LHX4: variants seen among roughly 807,000 people sequenced by gnomAD.
LHX4 encodes LIM homeobox 4.
In LHX4, 16 loss-of-function variants were observed where a neutral mutation model predicts 39.2. That is an observed-to-expected ratio of 0.41 (90% CI 0.28 to 0.62). The LOEUF is 0.62. Among genes scored for constraint, LHX4 ranks in the 20% least tolerant of loss-of-function variants. The pLI, the probability that LHX4 is intolerant of heterozygous loss-of-function variation, is 0.33. For missense variants in LHX4, 439 were observed against 511.9 expected, an observed-to-expected ratio of 0.86 and a Z score of 1.37; for synonymous variants, 206 against 198.1, an observed-to-expected ratio of 1.04 and a Z score of -0.33.
intron 1 of LHX4, among the ~76,000 whole-genome samples, chr1:180,233,308 C>A (rs560249901): frequency 2.0e-5 from 3 of 152,382 alleles, no homozygotes; most frequent in East Asian, 3.9e-4. Context: ...CAGTTCGCGC[C>A]GTAGCCCTCC....
At chr1:180,260,891 C>G (rs1012167587) in intron 2 of LHX4, among the ~76,000 whole-genome samples, 1 of 151,810 alleles carries the variant, frequency 6.6e-6, no homozygotes, top group Non-Finnish European at 1.5e-5. Flanking sequence ...TTCTCTCGCT[C>G]GTTGCCCTTG....
rs1222959865 is a variant in LHX4 at position 180,277,000 on chromosome 1, G to T, written c.*2421G>T. ...AATCTCTTGAGGAACTCAGTGAGCA[G>T]TTGACGAGGTCAATAGTTCTTTGGC... On this transcript the variant is annotated 3_prime_UTR_variant, in exon 6 of 6. Coordinates refer to ENST00000263726, the MANE Select transcript of LHX4 (RefSeq NM_033343.4). 1.3e-5 allele frequency: 2 copies of T among 152,322 alleles called. No individual in the cohort carries two copies. Among genetic ancestry groups the T allele is most frequent in the Non-Finnish European group, 2.9e-5 (2 of 68,036 alleles). 9.4% of individuals were successfully genotyped at this position (152,322 alleles called of 1,614,324 possible). A position where few individuals can be genotyped will look rare whatever the true frequency, so the allele number is the denominator to read the frequency against.
upstream of LHX4, among the ~76,000 whole-genome samples, chr1:180,229,964 A>AGGCGGAGGCGGGGGGGGC (rs1553278096): frequency 2.7e-5 from 2 of 73,484 alleles, no homozygotes; most frequent in South Asian, 5.3e-4. Context: ...GGAGGCGGGG[A>AGGCGGAGGCGGGGGGGGC]GGGGGGGGGG....
intron 2 of LHX4, among the ~76,000 whole-genome samples, chr1:180,251,255 C>T (rs1029877901): frequency 6.6e-6 from 1 of 152,206 alleles, no homozygotes; most frequent in African/African-American, 2.4e-5. Flanking sequence ...TACCTGACGC[C>T]CACCAAGCAG....
chr1:180,243,876 A>C (rs1328216208), intron 1 of LHX4, among the ~76,000 whole-genome samples: 2 of 152,296 alleles, frequency 1.3e-5, no homozygotes, highest in Non-Finnish European at 2.9e-5. Context: ...TCTCTGCCAC[A>C]ATTTCCTATC....
intron 3 of LHX4, chr1:180,269,676 C>T (rs1315082085): frequency 1.3e-5 from 2 of 152,204 alleles, no homozygotes; most frequent in Non-Finnish European, 2.9e-5. Flanking sequence ...CATTATTTCA[C>T]ATTTTTTAAT....
rs545590175 is a variant in LHX4 at position 180,251,264 on chromosome 1, A to C, written c.248+2808A>C. ...CTCAGGTACCTGACGCCCACCAAGCAGGATGCTCCATTCCCAGGCATGCTT... is the reference window on the plus strand; with the variant it reads ...CTCAGGTACCTGACGCCCACCAAGCCGGATGCTCCATTCCCAGGCATGCTT... On this transcript the variant is annotated intron_variant, in intron 2 of 5. Coordinates refer to ENST00000263726, the MANE Select transcript of LHX4 (RefSeq NM_033343.4). Among the ~76,000 whole-genome samples the C allele has an allele frequency of 2.0e-5, 3 of 152,300 alleles. No individual in the cohort carries two copies. The East Asian group carries it at 5.8e-4, about 29-fold the overall frequency.
chr1:180,276,900 T>G lies in LHX4; in HGVS notation c.*2321T>G, dbSNP rs1283433967. ...CACTGTAAGTAAGTTGACCAGTTTT[T>G]GTAAGTTAATCATACTAATTCCCAG... On this transcript the variant is annotated 3_prime_UTR_variant, in exon 6 of 6. Transcript: ENST00000263726. The G allele has an allele frequency of 6.6e-6, 1 of 152,102 alleles. No individual in the cohort carries two copies. Among genetic ancestry groups the G allele is most frequent in the African/African-American group, 2.4e-5 (1 of 41,380 alleles). The allele number at this position is 152,102 out of a possible 1,614,324, so 9.4% of individuals were successfully genotyped here.
chr1:180,241,275 C>T (rs1664440263), intron 1 of LHX4, among the ~76,000 whole-genome samples: 1 of 152,104 alleles, frequency 6.6e-6, no homozygotes, highest in Admixed American at 6.5e-5. Context: ...TGTTTATACT[C>T]CAGGATCACG....
At chr1:180,231,337 G>T (rs1664173110) in intron 1 of LHX4, among the ~76,000 whole-genome samples, 1 of 151,922 alleles carries the variant, frequency 6.6e-6, no homozygotes, top group Admixed American at 6.5e-5. Flanking sequence ...ACGGGGGTGT[G>T]TGGGAGCTTT....
At chr1:180,264,412 C>CACAT (rs1491284802) in intron 2 of LHX4, among the ~76,000 whole-genome samples, 1 of 144,070 alleles carries the variant, frequency 6.9e-6, no homozygotes, top group Admixed American at 6.9e-5. Flanking sequence ...CACACACACA[C>CACAT]AGTAGAGGTG....
At chr1:180,236,257 A>G (rs1245139111) in intron 1 of LHX4, among the ~76,000 whole-genome samples, 1 of 152,170 alleles carries the variant, frequency 6.6e-6, no homozygotes, top group African/African-American at 2.4e-5. Context: ...TCCATTGAGT[A>G]GACAAAAACT....
Position 180,230,695 on chromosome 1 carries a change from G to T in LHX4, c.76+90G>T. ...GGGGCGGGCCGGACGCCGCTCAGGG[G>T]CCGGGAGGGGCTGGCGGCCGGGGCG... On this transcript the variant is annotated intron_variant, in intron 1 of 5. Coordinates refer to ENST00000263726, the MANE Select transcript of LHX4 (RefSeq NM_033343.4). The surrounding 1 kb of genome is among the most constrained non-coding windows in gnomAD (Gnocchi z 5.8). 1 of 1,267,094 alleles carries T rather than the reference G, an allele frequency of 7.9e-7. No individual in the cohort carries two copies. The highest frequency in any genetic ancestry group is 1.1e-6 in the Non-Finnish European group (1 of 879,970). 78.5% of individuals were successfully genotyped at this position (1,267,094 alleles called of 1,614,324 possible). A position where few individuals can be genotyped will look rare whatever the true frequency, so the allele number is the denominator to read the frequency against.
chr1:180,243,868 T>G (rs1413599113), intron 1 of LHX4, among the ~76,000 whole-genome samples: 1 of 152,176 alleles, frequency 6.6e-6, no homozygotes, highest in Non-Finnish European at 1.5e-5. Flanking sequence ...TGAGACTCTC[T>G]CTGCCACAAT....
Position 180,230,487 on chromosome 1 carries a change from G to A in LHX4, c.-43G>A, listed in dbSNP as rs1289053476. ...CTGAATCGAGCTAGAGCGAGAGAGC[G>A]AGAGATCTCCGTAGACTGCGACTCG... On this transcript the variant is annotated 5_prime_UTR_variant, in exon 1 of 6. Transcript: ENST00000263726. The surrounding 1 kb of genome is among the most constrained non-coding windows in gnomAD (Gnocchi z 5.8). 1 of 1,526,612 alleles carries A rather than the reference G, an allele frequency of 6.6e-7. No individual in the cohort carries two copies. The highest frequency in any genetic ancestry group is 1.1e-5 in the South Asian group (1 of 88,600). The allele number at this position is 1,526,612 out of a possible 1,614,324, so 94.6% of individuals were successfully genotyped here.
Position 180,271,930 on chromosome 1 carries a change from C to T in LHX4, c.702C>T (p.Ser234=), listed in dbSNP as rs1397137711. The change falls in exon 5 of 6, where the codon AGC becomes AGT. Residue 234 remains serine (S), a synonymous_variant. Coordinates refer to ENST00000263726, the MANE Select transcript of LHX4 (RefSeq NM_033343.4). ...WGQFYKSVKR[S]RGSSKQEKES... is the part of the protein sequence containing the mutation. ...AGTTCTATAAGAGCGTCAAGAGGAGCCGGGGCAGCAGCAAGCAGGAGAAGG... is the reference window on the plus strand; with the variant it reads ...AGTTCTATAAGAGCGTCAAGAGGAGTCGGGGCAGCAGCAAGCAGGAGAAGG... 1 of 1,613,134 alleles carries T rather than the reference C, an allele frequency of 6.2e-7. No homozygotes were observed. The highest frequency in any genetic ancestry group is 8.5e-7 in the Non-Finnish European group (1 of 1,179,884).
At position 180,234,218 on chromosome 1, in the gene LHX4, T is replaced by TATATATATATAA. The variant is rs1558207278; in HGVS notation, c.76+3616_76+3617insTATATATAAATA. 1.4e-5 allele frequency among the ~76,000 whole-genome samples: 1 copy of TATATATATATAA among 70,766 alleles called. No individual in the cohort carries two copies. The highest frequency in any genetic ancestry group is 7.7e-5 in the African/African-American group (1 of 13,052). 46.4% of individuals were successfully genotyped at this position (70,766 alleles called of 152,430 possible). On this transcript the variant is annotated intron_variant, in intron 1 of 5. Coordinates refer to ENST00000263726, the MANE Select transcript of LHX4 (RefSeq NM_033343.4). The surrounding 1 kb of genome is among the most constrained non-coding windows in gnomAD (Gnocchi z 4.8). ...ATATATATATATATATATATATATATATAATAGATTGAGATTCTATCATAT... is the reference window on the plus strand; with the variant it reads ...ATATATATATATATATATATATATATATATATATATAAATAATAGATTGAGATTCTATCATAT...
intron 5 of LHX4, chr1:180,273,527 ATTCT>A (rs1648819426): frequency 6.6e-6 from 1 of 152,576 alleles, no homozygotes; most frequent in South Asian, 2.1e-4. Context: ...GGAGAGAGAA[ATTCT>A]TTCAAGTGGC....
intron 5 of LHX4, 91 bp downstream of exon 5, chr1:180,272,097 G>A: frequency 1.6e-6 from 2 of 1,229,078 alleles, no homozygotes; most frequent in Non-Finnish European, 2.2e-6. Context: ...CTTTCTTGAG[G>A]CCTTGGCAAC....
Sources: gnomAD v4.1 joint callset for allele counts (sites outside exome capture counted in the v4.1 genomes callset) on GRCh38, gnomAD v4.1.1 for gene constraint, Gnocchi (gnomAD v3.1) non-coding constraint, MANE v1.5 for transcripts, NCBI Gene and HGNC (gene_info 2026-07-23, HGNC 2026-07-21) for gene names.